CSTPP1: variants seen among roughly 807,000 people sequenced by gnomAD.
The protein encoded by CSTPP1 is centriolar satellite-associated tubulin polyglutamylase complex regulator 1, also known as UPF0705 protein C11orf49.
the CSTPP1 span, among the ~76,000 whole-genome samples, chr11:47,017,830 G>A: frequency 5.2e-4 from 79 of 151,910 alleles, 3 homozygotes; most frequent in Non-Finnish European, 2.9e-5. Context: ...ACCATGCCTG[G>A]CTAATTTTTG....
the CSTPP1 span, among the ~76,000 whole-genome samples, chr11:46,939,181 C>T: frequency 1.3e-5 from 2 of 149,778 alleles, no homozygotes; most frequent in Admixed American, 1.3e-4. Flanking sequence ...ACCTCCGCCT[C>T]CTGGGTTCAA....
the CSTPP1 span, among the ~76,000 whole-genome samples, chr11:47,072,878 A>G: frequency 6.6e-6 from 1 of 152,200 alleles, no homozygotes; most frequent in Non-Finnish European, 1.5e-5. Flanking sequence ...ATGATGAGCA[A>G]ATATGTGATA....
At chr11:47,038,108 C>G in the CSTPP1 span, among the ~76,000 whole-genome samples, 3 of 56,634 alleles carry the variant, frequency 5.3e-5, no homozygotes, top group African/African-American at 8.4e-5. Flanking sequence ...GGGGGCTGAC[C>G]CCCCCACCTC....
chr11:46,957,086 T>G, the CSTPP1 span, among the ~76,000 whole-genome samples: 2 of 152,260 alleles, frequency 1.3e-5, no homozygotes, highest in African/African-American at 4.8e-5. Flanking sequence ...CCAGACTTTA[T>G]AGCCTAAGGT....
At chr11:46,984,487 CTGAT>C in the CSTPP1 span, among the ~76,000 whole-genome samples, 34 of 152,146 alleles carry the variant, frequency 2.2e-4, no homozygotes, top group Non-Finnish European at 7.3e-5. Flanking sequence ...AACTAAATAT[CTGAT>C]TGGTAGATTA....
At chr11:46,978,195 C>T in the CSTPP1 span, among the ~76,000 whole-genome samples, 1 of 152,136 alleles carries the variant, frequency 6.6e-6, no homozygotes, top group African/African-American at 2.4e-5. Flanking sequence ...AGGATCAGGA[C>T]ATCCAACAAA....
At chr11:47,031,792 G>A in the CSTPP1 span, among the ~76,000 whole-genome samples, 1 of 151,424 alleles carries the variant, frequency 6.6e-6, no homozygotes, top group Non-Finnish European at 1.5e-5. Flanking sequence ...GGAACTAATG[G>A]AATAGATTTA....
At chr11:47,146,230 T>G in the CSTPP1 span, among the ~76,000 whole-genome samples, 1 of 151,938 alleles carries the variant, frequency 6.6e-6, no homozygotes, top group Non-Finnish European at 1.5e-5. Flanking sequence ...CCGGGCATGG[T>G]GGCGGGCGCC....
chr11:46,942,496 G>A, the CSTPP1 span, among the ~76,000 whole-genome samples: 4 of 152,270 alleles, frequency 2.6e-5, no homozygotes, highest in African/African-American at 4.8e-5. Flanking sequence ...TTTCACTCAC[G>A]CTCCAAGTTG....
chr11:46,998,372 A>G, the CSTPP1 span, among the ~76,000 whole-genome samples: 325 of 152,306 alleles, frequency 2.1e-3, no homozygotes, highest in African/African-American at 7.5e-3. Flanking sequence ...TTGAAAAAAA[A>G]TCGTAAGATT....
At chr11:47,013,209 G>T in the CSTPP1 span, among the ~76,000 whole-genome samples, 3 of 147,538 alleles carry the variant, frequency 2.0e-5, no homozygotes, top group South Asian at 2.1e-4. Flanking sequence ...ATATATAAAT[G>T]GTTATATATA....
At chr11:47,093,775 A>C in the CSTPP1 span, among the ~76,000 whole-genome samples, 5 of 152,228 alleles carry the variant, frequency 3.3e-5, no homozygotes, top group African/African-American at 4.8e-5. Flanking sequence ...GACTTAAGCG[A>C]GATAATGCAT....
At chr11:46,987,502 A>T in the CSTPP1 span, 2 of 567,752 alleles carry the variant, frequency 3.5e-6, no homozygotes, top group East Asian at 2.9e-5. Flanking sequence ...TTGTCCAGTG[A>T]TGTCTCATGA....
chr11:47,097,349 C>G, the CSTPP1 span, among the ~76,000 whole-genome samples: 1 of 117,766 alleles, frequency 8.5e-6, no homozygotes, highest in Non-Finnish European at 1.8e-5. Flanking sequence ...TCCGCCCGGC[C>G]AGCCGCCCCG....
chr11:47,033,834 C>G, the CSTPP1 span, among the ~76,000 whole-genome samples: 16 of 152,118 alleles, frequency 1.1e-4, no homozygotes, highest in Admixed American at 5.2e-4. Context: ...GTCCTTATAA[C>G]CCCCTGACTT....
At chr11:47,044,858 A>G in the CSTPP1 span, among the ~76,000 whole-genome samples, 4 of 152,142 alleles carry the variant, frequency 2.6e-5, no homozygotes, top group African/African-American at 7.2e-5. Flanking sequence ...CTAGTGAGCT[A>G]TGGTCATGCT....
At chr11:47,157,068 G>A in the CSTPP1 span, 1 of 1,614,138 alleles carries the variant, frequency 6.2e-7, no homozygotes, top group Non-Finnish European at 8.5e-7. Context: ...CTGCTGTCAG[G>A]CAAGAACCCC....
the CSTPP1 span, among the ~76,000 whole-genome samples, chr11:47,043,693 T>G: frequency 6.6e-6 from 1 of 152,064 alleles, no homozygotes; most frequent in Non-Finnish European, 1.5e-5. Context: ...AGTTGAACAT[T>G]TAAAACTGAC....
the CSTPP1 span, among the ~76,000 whole-genome samples, chr11:47,086,029 C>T: frequency 6.6e-6 from 1 of 151,728 alleles, no homozygotes; most frequent in African/African-American, 2.4e-5. Context: ...AACTAATATT[C>T]AGGAGGTCAC....
Sources: allele counts gnomAD v4.1 joint callset (sites outside exome capture counted in the v4.1 genomes callset), GRCh38; gene constraint gnomAD v4.1.1; transcripts MANE v1.5; gene names NCBI Gene and HGNC (gene_info 2026-07-23, HGNC 2026-07-21).